FAM174B: variants seen among roughly 807,000 people sequenced by gnomAD.
FAM174B encodes family with sequence similarity 174 member B.
A neutral mutation model predicts 10.9 loss-of-function variants in FAM174B; 12 were observed. The observed-to-expected ratio is 1.10, with a 90% confidence interval of 0.71 to 1.79. FAM174B has a LOEUF of 1.79. Among genes scored for constraint, FAM174B ranks in the 40% most tolerant of loss-of-function variants. The pLI, the probability that FAM174B is intolerant of heterozygous loss-of-function variation, is 0.00. For synonymous variants in FAM174B, 132 were observed against 115.8 expected (o/e 1.14, Z -0.90); for missense variants, 266 against 233.3 (o/e 1.14, Z -0.91).
intron 1 of FAM174B, among the ~76,000 whole-genome samples, chr15:92,632,626 C>T (rs2050826733): frequency 6.6e-6 from 1 of 152,122 alleles, no homozygotes; most frequent in African/African-American, 2.4e-5. Flanking sequence ...CCTTTCGCCT[C>T]AGCCTCCTGA....
intron 2 of FAM174B, chr15:92,619,761 G>C: frequency 4.4e-6 from 2 of 455,120 alleles, no homozygotes; most frequent in Non-Finnish European, 7.8e-6. Flanking sequence ...TTTACACTAG[G>C]GGTTGGAAAA....
intron 1 of FAM174B, among the ~76,000 whole-genome samples, chr15:92,650,657 G>A (rs1339019427): frequency 6.6e-6 from 1 of 152,230 alleles, no homozygotes; most frequent in African/African-American, 2.4e-5. Flanking sequence ...TGTTCTGAGT[G>A]AATGTAGGGG....
At chr15:92,655,236 G>A (rs2050993845) in intron 1 of FAM174B, 80 bp downstream of exon 1, 1 of 1,437,758 alleles carries the variant, frequency 7.0e-7, no homozygotes, top group Non-Finnish European at 9.1e-7. Context: ...GCGTGCAGGT[G>A]GGGCGGGCGC....
At chr15:92,633,135 G>A (rs975177111) in intron 1 of FAM174B, among the ~76,000 whole-genome samples, 1 of 151,816 alleles carries the variant, frequency 6.6e-6, no homozygotes, top group Non-Finnish European at 1.5e-5. Flanking sequence ...TCATAAACGG[G>A]GCACTGAAGA....
chr15:92,628,902 T>C (rs550840528), intron 2 of FAM174B, among the ~76,000 whole-genome samples: 1 of 152,212 alleles, frequency 6.6e-6, no homozygotes, highest in Non-Finnish European at 1.5e-5. Flanking sequence ...TTTTTTAAAG[T>C]ACTGAAAAAC....
At chr15:92,650,911 G>A (rs985592448) in intron 1 of FAM174B, among the ~76,000 whole-genome samples, 8 of 152,226 alleles carry the variant, frequency 5.3e-5, no homozygotes, top group Admixed American at 1.3e-4. Context: ...CCAACAAAGG[G>A]CCCTCGGTCT....
chr15:92,631,833 TA>T (rs34216047), intron 1 of FAM174B, among the ~76,000 whole-genome samples: 148,138 of 151,740 alleles, frequency 0.98, 72,413 homozygotes, highest in East Asian at 1. Flanking sequence ...ATACATGCTT[TA>T]AAAAAAAAGC....
chr15:92,620,508 G>C (rs1283946250), intron 2 of FAM174B, among the ~76,000 whole-genome samples: 1 of 149,584 alleles, frequency 6.7e-6, no homozygotes. Context: ...AAAAAAATAA[G>C]CATAAGTTTA....
At chr15:92,629,361 A>G (rs75097915) in intron 2 of FAM174B, among the ~76,000 whole-genome samples, 4,062 of 152,310 alleles carry the variant, frequency 0.027, 80 homozygotes, top group Non-Finnish European at 0.04. Context: ...TAAAGTCACA[A>G]AGTCATTCTG....
At chr15:92,627,592 G>A (rs2050761528) in intron 2 of FAM174B, among the ~76,000 whole-genome samples, 1 of 152,286 alleles carries the variant, frequency 6.6e-6, no homozygotes. Context: ...ATATTTCCTT[G>A]TTTAGGGTCT....
rs112350564 is a variant in FAM174B at position 92,642,254 on chromosome 15, G to T, written c.345-11909C>A. ...CAGCAATTTGGAAAACCATTTGGCA[G>T]TTTGTCAAAAGGTTAAACATGGAGT... is the stretch of plus-strand genomic sequence containing the variant. On this transcript the variant is annotated intron_variant, in intron 1 of 2. Transcript: ENST00000327355. Among the ~76,000 whole-genome samples, 526 of 152,284 alleles carry T rather than the reference G, an allele frequency of 3.5e-3. 5 individuals are homozygous for T. The highest frequency in any genetic ancestry group is 0.011 in the African/African-American group (476 of 41,552).
intron 1 of FAM174B, among the ~76,000 whole-genome samples, chr15:92,654,220 C>T (rs1360167413): frequency 3.3e-5 from 5 of 152,190 alleles, no homozygotes. Flanking sequence ...CTGCCTTTTC[C>T]TGGTCTGGTT....
At chr15:92,637,934 C>T (rs555758922) in intron 1 of FAM174B, among the ~76,000 whole-genome samples, 43 of 152,306 alleles carry the variant, frequency 2.8e-4, no homozygotes, top group African/African-American at 9.6e-4. Context: ...GACTTGGGTT[C>T]GCAGCCCAGT....
intron 2 of FAM174B, among the ~76,000 whole-genome samples, chr15:92,627,573 T>C (rs1032220582): frequency 3.9e-5 from 6 of 152,224 alleles, no homozygotes; most frequent in African/African-American, 7.2e-5. Context: ...TCTGAGCAGA[T>C]TGATTGTCAT....
At chr15:92,646,803 A>T (rs2050931171) in intron 1 of FAM174B, among the ~76,000 whole-genome samples, 1 of 152,236 alleles carries the variant, frequency 6.6e-6, no homozygotes, top group Non-Finnish European at 1.5e-5. Context: ...TGCCAATCAG[A>T]AAATCTGTGA....
intron 1 of FAM174B, among the ~76,000 whole-genome samples, chr15:92,636,789 C>T (rs542590227): frequency 2.0e-5 from 3 of 152,286 alleles, no homozygotes; most frequent in African/African-American, 7.2e-5. Context: ...CTGTCACCCC[C>T]ACTCACTCCC....
At chr15:92,631,395 T>A (rs1225453445) in intron 1 of FAM174B, among the ~76,000 whole-genome samples, 2 of 22,400 alleles carry the variant, frequency 8.9e-5, no homozygotes, top group African/African-American at 5.9e-4. Flanking sequence ...ATATTATATA[T>A]TATATTATAT....
At position 92,643,964 on chromosome 15, in the gene FAM174B, A is replaced by T. The variant is rs1290719342; in HGVS notation, c.344+11352T>A. On this transcript the variant is annotated intron_variant, in intron 1 of 2. Transcript: ENST00000327355. Reference sequence around the variant, plus strand: ...AGGTGCCGCCAGTGTAGACAGGAGGACTAGCAGGCGACCCTGAGCCAAGCG... The same window carrying T: ...AGGTGCCGCCAGTGTAGACAGGAGGTCTAGCAGGCGACCCTGAGCCAAGCG... Among the ~76,000 whole-genome samples the T allele has an allele frequency of 2.0e-5, 3 of 152,274 alleles. No homozygotes were observed. The South Asian group carries it at 6.2e-4, about 32-fold the overall frequency.
chr15:92,655,257 C>T (rs1009859182), intron 1 of FAM174B, 59 bp downstream of exon 1: 3 of 1,460,708 alleles, frequency 2.1e-6, no homozygotes, highest in Non-Finnish European at 2.7e-6. Context: ...GCGGCGACAG[C>T]AGGTTGGCGA....
Sources: allele counts gnomAD v4.1 joint callset (sites outside exome capture counted in the v4.1 genomes callset), GRCh38; gene constraint gnomAD v4.1.1; transcripts MANE v1.5; gene names NCBI Gene and HGNC (gene_info 2026-07-23, HGNC 2026-07-21).